GPC5: variants seen among roughly 807,000 people sequenced by gnomAD.
The protein encoded by GPC5 is glypican 5.
In GPC5, 47 loss-of-function variants were observed where a neutral mutation model predicts 53.9. That is an observed-to-expected ratio of 0.87 (90% confidence interval 0.69 to 1.11). The LOEUF is 1.11. GPC5 is among the 50% of genes most tolerant of loss of function. The probability of loss-of-function intolerance (pLI) is 0.00; values close to 1 mark genes in which losing one functional copy is unlikely to be tolerated. For synonymous variants in GPC5, 286 were observed against 263.3 expected (o/e 1.09, Z -0.84); for missense variants, 748 against 713.1 (o/e 1.05, Z -0.56).
At chr13:92,602,005 T>G (rs2139081811) in intron 7 of GPC5, among the ~76,000 whole-genome samples, 1 of 151,372 alleles carries the variant, frequency 6.6e-6, no homozygotes. Context: ...GCGGCAGAAA[T>G]TTTAGCATTT....
At chr13:92,266,568 G>A (rs2042803815) in intron 7 of GPC5, among the ~76,000 whole-genome samples, 1 of 152,006 alleles carries the variant, frequency 6.6e-6, no homozygotes, top group South Asian at 2.1e-4. Context: ...TCTATTTGCT[G>A]TTACGTACCT....
At chr13:91,758,384 A>G (rs1361537364) in intron 5 of GPC5, among the ~76,000 whole-genome samples, 1 of 152,086 alleles carries the variant, frequency 6.6e-6, no homozygotes, top group Non-Finnish European at 1.5e-5. Flanking sequence ...TTATTATATC[A>G]TATAAATATG....
chr13:92,707,643 G>T (rs1887996323), intron 7 of GPC5, among the ~76,000 whole-genome samples: 1 of 151,792 alleles, frequency 6.6e-6, no homozygotes, highest in African/African-American at 2.4e-5. Flanking sequence ...AAAAAAAAAT[G>T]CATGTGTACT....
intron 2 of GPC5, among the ~76,000 whole-genome samples, chr13:91,513,669 A>G (rs1254349578): frequency 6.6e-6 from 1 of 152,136 alleles, no homozygotes; most frequent in African/African-American, 2.4e-5. Flanking sequence ...TGAACCCCGG[A>G]GGTAGAGGTT....
intron 7 of GPC5, among the ~76,000 whole-genome samples, chr13:92,643,352 T>C (rs955628528): frequency 1.3e-5 from 2 of 152,114 alleles, no homozygotes; most frequent in African/African-American, 4.8e-5. Flanking sequence ...AGAAATACCA[T>C]TTGACCCAGC....
intron 5 of GPC5, among the ~76,000 whole-genome samples, chr13:91,872,301 T>C (rs997980786): frequency 6.6e-6 from 1 of 151,956 alleles, no homozygotes; most frequent in Admixed American, 6.6e-5. Context: ...AAAGTAAGAG[T>C]ACTAAGAATT....
chr13:91,845,661 G>A (rs2038840411), intron 5 of GPC5, among the ~76,000 whole-genome samples: 1 of 152,118 alleles, frequency 6.6e-6, no homozygotes, highest in Non-Finnish European at 1.5e-5. Context: ...CCAACTGCAA[G>A]AGTTTGTGGA....
chr13:92,663,623 ATATAC>A (rs370556356), intron 7 of GPC5, among the ~76,000 whole-genome samples: 2 of 83,522 alleles, frequency 2.4e-5, no homozygotes, highest in African/African-American at 3.4e-5. Context: ...TCTACTATAT[ATATAC>A]TATATATACA....
At chr13:92,587,914 CT>C (rs910869982) in intron 7 of GPC5, among the ~76,000 whole-genome samples, 13 of 151,254 alleles carry the variant, frequency 8.6e-5, no homozygotes, top group Admixed American at 5.9e-4. Context: ...AAGGCCTATT[CT>C]TTTTTTTGTT....
At chr13:91,990,685 T>C (rs181187662) in intron 6 of GPC5, among the ~76,000 whole-genome samples, 1 of 152,320 alleles carries the variant, frequency 6.6e-6, no homozygotes, top group Admixed American at 6.5e-5. Flanking sequence ...GCACAGTGTA[T>C]CATGCGCAAT....
intron 5 of GPC5, among the ~76,000 whole-genome samples, chr13:91,824,852 CTA>C (rs2038551465): frequency 6.6e-6 from 1 of 152,036 alleles, no homozygotes; most frequent in Non-Finnish European, 1.5e-5. Context: ...AATCTAATCT[CTA>C]TTGAACACTT....
At chr13:92,827,860 C>T (rs1402051124) in intron 7 of GPC5, among the ~76,000 whole-genome samples, 1 of 151,890 alleles carries the variant, frequency 6.6e-6, no homozygotes, top group East Asian at 1.9e-4. Flanking sequence ...ACTGGGAGTG[C>T]CAGGAGCCTC....
intron 4 of GPC5, among the ~76,000 whole-genome samples, chr13:91,740,206 G>A (rs73609110): frequency 0.021 from 3,216 of 152,172 alleles, 109 homozygotes; most frequent in African/African-American, 0.072. Context: ...ACCTAGAGAT[G>A]CCTGAATTTT....
chr13:92,444,142 C>T (rs984181392), intron 7 of GPC5, among the ~76,000 whole-genome samples: 16 of 152,024 alleles, frequency 1.1e-4, no homozygotes, highest in East Asian at 7.7e-4. Flanking sequence ...GGAAATTGGA[C>T]GGATCCTGAG....
chr13:92,759,895 C>G (rs1391504824), intron 7 of GPC5, among the ~76,000 whole-genome samples: 6 of 152,086 alleles, frequency 3.9e-5, no homozygotes, highest in Non-Finnish European at 8.8e-5. Flanking sequence ...TTCCTTTACA[C>G]CTAAACAGTT....
At chr13:91,540,642 T>C (rs1265195629) in intron 2 of GPC5, among the ~76,000 whole-genome samples, 17 of 152,196 alleles carry the variant, frequency 1.1e-4, no homozygotes, top group Admixed American at 1.1e-3. Flanking sequence ...AGCAGTTACA[T>C]ATCTAAGAAA....
intron 3 of GPC5, among the ~76,000 whole-genome samples, chr13:91,719,660 T>C (rs2036422007): frequency 6.6e-6 from 1 of 152,190 alleles, no homozygotes; most frequent in Admixed American, 6.5e-5. Flanking sequence ...AAGAAGAATA[T>C]AAAATTGTCA....
intron 7 of GPC5, among the ~76,000 whole-genome samples, chr13:92,336,309 T>A (rs1024458975): frequency 1.3e-5 from 2 of 152,238 alleles, no homozygotes; most frequent in East Asian, 3.8e-4. Context: ...ATCAGGTAGC[T>A]GATAATTTTT....
At position 91,437,224 on chromosome 13, in the gene GPC5, G is replaced by A. The variant is rs9740915; in HGVS notation, c.164-11537G>A. Reference sequence around the variant, plus strand: ...TATTGTTATGTGTGAATTTGATCCTGCCATTATGATGTTAGCTGGTTATTT... The same window carrying A: ...TATTGTTATGTGTGAATTTGATCCTACCATTATGATGTTAGCTGGTTATTT... On this transcript the variant is annotated intron_variant, in intron 1 of 7. Transcript: ENST00000377067. Among the ~76,000 whole-genome samples, 575 of 152,270 alleles carry A rather than the reference G, an allele frequency of 3.8e-3. 11 individuals are homozygous for A. Among genetic ancestry groups the A allele is most frequent in the African/African-American group, 0.013 (545 of 41,544 alleles).
Sources: gnomAD v4.1 joint callset for allele counts (sites outside exome capture counted in the v4.1 genomes callset) on GRCh38, gnomAD v4.1.1 for gene constraint, MANE v1.5 for transcripts, NCBI Gene and HGNC (gene_info 2026-07-23, HGNC 2026-07-21) for gene names.